NGEF: variants seen among roughly 807,000 people sequenced by gnomAD.
NGEF encodes ephexin-1.
A neutral mutation model predicts 80.9 loss-of-function variants in NGEF; 31 were observed. The ratio of observed to expected loss-of-function variants is 0.38; its 90% confidence interval spans 0.29 to 0.52. The LOEUF (loss-of-function observed/expected upper bound fraction) is 0.52. Ranked by LOEUF, NGEF falls within the 20% of genes least tolerant of loss-of-function variation. The pLI is 0.84. For synonymous variants in NGEF, 371 were observed against 370.2 expected, an observed-to-expected ratio of 1.00 and a Z score of -0.03; for missense variants, 709 against 926.2, an observed-to-expected ratio of 0.77 and a Z score of 3.04.
Position 232,974,692 on chromosome 2 carries a change from G to T in NGEF, c.199C>A (p.Arg67Ser). ...IPIKRNSIFNRSIRRKSKAKA... is the reference protein window; with the variant it reads ...IPIKRNSIFNSSIRRKSKAKA... ...GCTTTGCTTTTGCGTCTTATGGAGCGATTGAAGATGGAATTTCTCTTAATT... is the reference window on the plus strand; with the variant it reads ...GCTTTGCTTTTGCGTCTTATGGAGCTATTGAAGATGGAATTTCTCTTAATT... The change falls in exon 2 of 15, where the codon CGC becomes AGC. Residue 67 changes from arginine (R) to serine (S), a missense_variant. Physicochemically the swap from Arg to Ser is moderately radical, Grantham distance 110 (BLOSUM62 -1). Transcript: ENST00000264051. 1.9e-6 allele frequency: 3 copies of T among 1,614,222 alleles called. No homozygotes were observed. Among genetic ancestry groups the T allele is most frequent in the South Asian group, 2.2e-5 (2 of 91,084 alleles).
chr2:232,918,921 C>G (rs1038635411), intron 5 of NGEF, among the ~76,000 whole-genome samples: 13 of 152,114 alleles, frequency 8.5e-5, no homozygotes, highest in African/African-American at 3.1e-4. Context: ...GCCACCGCAC[C>G]CAGTCTTATT....
At chr2:233,011,641 G>A (rs938707454) in intron 1 of NGEF, among the ~76,000 whole-genome samples, 2 of 151,336 alleles carry the variant, frequency 1.3e-5, no homozygotes, top group African/African-American at 4.9e-5. Flanking sequence ...TGCCCAGGTT[G>A]GAATGCAGTG....
chr2:232,942,451 C>G (rs67389537), intron 3 of NGEF, among the ~76,000 whole-genome samples: 29,728 of 152,164 alleles, frequency 0.2, 3,092 homozygotes, highest in Non-Finnish European at 0.23. Context: ...GGGTTCCTCT[C>G]GGTAAATCGA....
intron 3 of NGEF, among the ~76,000 whole-genome samples, chr2:232,939,105 G>A (rs1329224044): frequency 6.7e-6 from 1 of 148,452 alleles, no homozygotes; most frequent in Non-Finnish European, 1.5e-5. Context: ...TTGAAACTGG[G>A]ATGAAGAGGT....
intron 1 of NGEF, among the ~76,000 whole-genome samples, chr2:232,993,004 T>TACACAC (rs140539108): frequency 8.7e-5 from 12 of 138,190 alleles, no homozygotes; most frequent in African/African-American, 3.1e-4. Flanking sequence ...TATATATATA[T>TACACAC]ACACACACAC....
At chr2:233,004,944 C>T (rs963134465) in intron 1 of NGEF, among the ~76,000 whole-genome samples, 1 of 151,884 alleles carries the variant, frequency 6.6e-6, no homozygotes, top group Admixed American at 6.6e-5. Context: ...AAACTGCACT[C>T]GTGCCCCCTA....
intron 1 of NGEF, among the ~76,000 whole-genome samples, chr2:232,978,321 T>A (rs1010499998): frequency 6.6e-6 from 1 of 151,870 alleles, no homozygotes; most frequent in African/African-American, 2.4e-5. Flanking sequence ...AAGACCAGCC[T>A]GGCCAACATG....
At position 232,879,522 on chromosome 2, in the gene NGEF, G is replaced by T; in HGVS notation, c.2100C>A (p.Asp700Glu). 1.2e-6 allele frequency: 2 copies of T among 1,612,990 alleles called. No individual in the cohort carries two copies. Among genetic ancestry groups the T allele is most frequent in the Non-Finnish European group, 1.7e-6 (2 of 1,179,238 alleles). Residue 700 changes from aspartate (D) to glutamate (E), a missense_variant, in exon 15 of 15, where the codon GAC becomes GAA. By Grantham distance (45) the Asp-to-Glu change is conservative (BLOSUM62 2). This residue lies in a region of NGEF where 426 missense variants were observed against 622.9 expected (regional missense o/e 0.68). Coordinates refer to ENST00000264051, the MANE Select transcript of NGEF (RefSeq NM_019850.3). ...MDDPQRSQNK[D>E]RRKLGSRNRQ is the part of the protein sequence containing the mutation. ...GATTCCGGCTGCCCAGCTTCCTGCG[G>T]TCCTTGTTCTGGCTGCGCTGAGGGT...
At chr2:232,978,610 C>T (rs1235766213) in intron 1 of NGEF, among the ~76,000 whole-genome samples, 1 of 152,190 alleles carries the variant, frequency 6.6e-6, no homozygotes, top group Non-Finnish European at 1.5e-5. Context: ...ACCACCACCA[C>T]CACCAAGATA....
chr2:232,999,815 G>A (rs1350488984), intron 1 of NGEF, among the ~76,000 whole-genome samples: 1 of 152,208 alleles, frequency 6.6e-6, no homozygotes, highest in African/African-American at 2.4e-5. Flanking sequence ...GGGCTGGCAT[G>A]ACACACTGGG....
intron 12 of NGEF, 100 bp downstream of exon 12, chr2:232,883,211 G>C: frequency 7.2e-7 from 1 of 1,393,528 alleles, no homozygotes; most frequent in Non-Finnish European, 9.8e-7. Context: ...CACAGAGCGT[G>C]TGTGGTGCCT....
intron 5 of NGEF, among the ~76,000 whole-genome samples, chr2:232,903,340 C>G (rs1003242655): frequency 6.6e-6 from 1 of 151,994 alleles, no homozygotes; most frequent in African/African-American, 2.4e-5. Flanking sequence ...AACAGTGGAG[C>G]CCAGAAAACT....
chr2:232,946,929 A>G (rs12465085), intron 3 of NGEF, among the ~76,000 whole-genome samples: 3 of 76,460 alleles, frequency 3.9e-5, no homozygotes, highest in African/African-American at 1.1e-4. Flanking sequence ...AAACAAACCA[A>G]AAAACAAAGG....
intron 1 of NGEF, 95 bp from the exon 2 acceptor site, chr2:232,975,059 C>T (rs1694264602): frequency 3.2e-5 from 21 of 653,620 alleles, no homozygotes; most frequent in Middle Eastern, 4.2e-4. Flanking sequence ...TTTGATGAAA[C>T]GTGGGATAAT....
chr2:232,900,147 C>T lies in NGEF; in HGVS notation c.829-5231G>A, dbSNP rs960711421. 3.5e-4 allele frequency among the ~76,000 whole-genome samples: 51 copies of T among 144,402 alleles called. 2 individuals are homozygous for T. The highest frequency in any genetic ancestry group is 6.2e-4 in the Non-Finnish European group (41 of 66,380). 94.7% of individuals were successfully genotyped at this position (144,402 alleles called of 152,430 possible). A position where few individuals can be genotyped will look rare whatever the true frequency, so the allele number is the denominator to read the frequency against. ...GTTCACTCACATTCTCACACACACA[C>T]GCTCACAGTCACTCATATACACGTT... On this transcript the variant is annotated intron_variant, in intron 5 of 14. Coordinates refer to ENST00000264051, the MANE Select transcript of NGEF (RefSeq NM_019850.3).
chr2:232,991,912 T>C (rs1027851152), intron 1 of NGEF, among the ~76,000 whole-genome samples: 6 of 152,182 alleles, frequency 3.9e-5, no homozygotes, highest in African/African-American at 1.4e-4. Context: ...TGGGTATCCA[T>C]AAATAAACTC....
intron 3 of NGEF, among the ~76,000 whole-genome samples, chr2:232,967,647 A>G (rs1293621500): frequency 6.6e-6 from 1 of 152,034 alleles, no homozygotes; most frequent in East Asian, 1.9e-4. Flanking sequence ...ATTTTTTTAT[A>G]GCAATGCAAG....
chr2:232,994,044 T>C (rs919143233), intron 1 of NGEF, among the ~76,000 whole-genome samples: 2 of 152,160 alleles, frequency 1.3e-5, no homozygotes, highest in African/African-American at 4.8e-5. Context: ...CATAAATGGG[T>C]AAACTGTGTG....
intron 3 of NGEF, among the ~76,000 whole-genome samples, chr2:232,928,939 C>A (rs999973870): frequency 6.6e-6 from 1 of 152,040 alleles, no homozygotes; most frequent in African/African-American, 2.4e-5. Flanking sequence ...GAGGTGCCTA[C>A]GGGCCGAGCC....
Sources: allele counts gnomAD v4.1 joint callset (sites outside exome capture counted in the v4.1 genomes callset), GRCh38; gene constraint gnomAD v4.1.1; regional missense constraint gnomAD v4.1.1; transcripts MANE v1.5; gene names NCBI Gene and HGNC (gene_info 2026-07-23, HGNC 2026-07-21).